DOCK3: variants seen among roughly 807,000 people sequenced by gnomAD.
DOCK3 encodes the protein dedicator of cytokinesis protein 3.
DOCK3 carries 60 observed loss-of-function variants against 265.6 expected under a neutral mutation model. The ratio of observed to expected loss-of-function variants is 0.23; its 90% CI spans 0.18 to 0.28. DOCK3 has a LOEUF of 0.28. DOCK3 is among the 10% of genes least tolerant of loss of function. The probability of loss-of-function intolerance (pLI) is 1.00; values close to 1 mark genes in which losing one functional copy is unlikely to be tolerated. For missense variants in DOCK3, 1,981 were observed against 2,594.3 expected (o/e 0.76, Z 5.14); for synonymous variants, 881 against 938.0 (o/e 0.94, Z 1.11).
intron 5 of DOCK3, among the ~76,000 whole-genome samples, chr3:51,009,154 C>G (rs1204598877): frequency 1.3e-5 from 2 of 152,156 alleles, no homozygotes; most frequent in South Asian, 2.1e-4. Flanking sequence ...GGATGATTCC[C>G]TCTTTTTCTA....
Position 50,890,627 on chromosome 3 carries a change from G to A in DOCK3, c.218+546G>A, listed in dbSNP as rs1379266094. 2.0e-5 allele frequency among the ~76,000 whole-genome samples: 3 copies of A among 151,924 alleles called. No homozygotes were observed. In the South Asian group the frequency reaches 6.2e-4, roughly 32 times the overall value. On this transcript the variant is annotated intron_variant, in intron 4 of 52. Transcript: ENST00000266037. ...TGAATGAGTTTTTAAAAAATTCTTT[G>A]TCATGTTTAATAATAAGTATTATAG...
chr3:51,147,516 A>G (rs1349774221), intron 10 of DOCK3, among the ~76,000 whole-genome samples: 2 of 151,966 alleles, frequency 1.3e-5, no homozygotes, highest in Admixed American at 1.3e-4. Flanking sequence ...ACAGGCCCCC[A>G]TGTGTGATGT....
At chr3:50,978,243 T>C (rs1489179948) in intron 5 of DOCK3, among the ~76,000 whole-genome samples, 2 of 149,968 alleles carry the variant, frequency 1.3e-5, no homozygotes, top group South Asian at 2.1e-4. Context: ...TTTCCAGTTT[T>C]TCTGTTCTGT....
intron 3 of DOCK3, among the ~76,000 whole-genome samples, chr3:50,849,799 G>C (rs1012927204): frequency 6.6e-6 from 1 of 152,098 alleles, no homozygotes; most frequent in Non-Finnish European, 1.5e-5. Context: ...AAGCATACTT[G>C]TCAGCTAGGC....
chr3:50,893,980 A>T (rs1164284600), intron 4 of DOCK3, among the ~76,000 whole-genome samples: 4 of 78,418 alleles, frequency 5.1e-5, no homozygotes, highest in Non-Finnish European at 9.2e-5. Flanking sequence ...TCGTTAGGTG[A>T]GGGGAGGGGG....
chr3:50,711,693 T>C (rs1201852202), intron 1 of DOCK3, among the ~76,000 whole-genome samples: 2 of 152,216 alleles, frequency 1.3e-5, no homozygotes, highest in African/African-American at 4.8e-5. Context: ...TGGCCCCATA[T>C]AATTAGTTGG....
At chr3:50,890,726 A>G (rs988005266) in intron 4 of DOCK3, among the ~76,000 whole-genome samples, 1 of 152,124 alleles carries the variant, frequency 6.6e-6, no homozygotes, top group Non-Finnish European at 1.5e-5. Flanking sequence ...TAACCAAGGT[A>G]GCTTCCTAAA....
chr3:51,328,857 A>C (rs2084327886), intron 32 of DOCK3, among the ~76,000 whole-genome samples: 1 of 152,054 alleles, frequency 6.6e-6, no homozygotes, highest in Non-Finnish European at 1.5e-5. Context: ...CCACAGTTTA[A>C]AGGTTAACAA....
chr3:51,209,919 A>G (rs1324919772), intron 13 of DOCK3, among the ~76,000 whole-genome samples: 1 of 152,232 alleles, frequency 6.6e-6, no homozygotes, highest in Admixed American at 6.5e-5. Flanking sequence ...TCCCTTATAC[A>G]TGTGCCTGGA....
intron 21 of DOCK3, among the ~76,000 whole-genome samples, chr3:51,239,828 A>G (rs1180859870): frequency 6.6e-6 from 1 of 151,862 alleles, no homozygotes; most frequent in Non-Finnish European, 1.5e-5. Flanking sequence ...GATTGTATTT[A>G]TTAGAATATT....
chr3:51,373,222 A>G (rs998406245), intron 49 of DOCK3, among the ~76,000 whole-genome samples: 6 of 152,228 alleles, frequency 3.9e-5, no homozygotes, highest in African/African-American at 1.4e-4. Flanking sequence ...CTGGCACTGC[A>G]CACTCAAAGG....
intron 12 of DOCK3, among the ~76,000 whole-genome samples, chr3:51,182,680 A>G (rs1160111737): frequency 1.3e-5 from 2 of 151,980 alleles, no homozygotes; most frequent in African/African-American, 4.8e-5. Context: ...AGAAGTGGAG[A>G]CTCCTCCAAA....
At chr3:50,849,371 C>T (rs146245122) in intron 3 of DOCK3, among the ~76,000 whole-genome samples, 1,725 of 151,596 alleles carry the variant, frequency 0.011, 14 homozygotes, top group Non-Finnish European at 0.017. Flanking sequence ...CACATACACA[C>T]GCACACATAC....
intron 49 of DOCK3, among the ~76,000 whole-genome samples, chr3:51,368,750 T>C (rs902576493): frequency 1.3e-5 from 2 of 152,218 alleles, no homozygotes; most frequent in Non-Finnish European, 2.9e-5. Context: ...ACGGACAGAC[T>C]GCCTCCTCAA....
chr3:50,693,405 T>C (rs1033753687), intron 1 of DOCK3, among the ~76,000 whole-genome samples: 2 of 152,164 alleles, frequency 1.3e-5, no homozygotes, highest in Admixed American at 1.3e-4. Context: ...TGGCAGTGTT[T>C]TGTAATTTTC....
chr3:51,319,873 C>A (rs948500669), intron 32 of DOCK3, among the ~76,000 whole-genome samples: 7 of 143,456 alleles, frequency 4.9e-5, no homozygotes, highest in Non-Finnish European at 1.1e-4. Context: ...CAAAAAAAAA[C>A]AAACAACAAC....
intron 33 of DOCK3, among the ~76,000 whole-genome samples, chr3:51,330,531 G>A (rs564802542): frequency 2.6e-5 from 4 of 152,340 alleles, no homozygotes; most frequent in East Asian, 3.9e-4. Flanking sequence ...ACGGTTCATG[G>A]AGACTCAGTT....
Position 51,260,266 on chromosome 3 carries a change from G to A in DOCK3, c.2295G>A (p.Gln765=). The A allele has an allele frequency of 7.4e-6, 12 of 1,613,908 alleles. No individual in the cohort carries two copies. Among genetic ancestry groups the A allele is most frequent in the Non-Finnish European group, 1.0e-5 (12 of 1,179,878 alleles). The change falls in exon 23 of 53, where the codon CAG becomes CAA. Residue 765 remains glutamine, a synonymous_variant. Coordinates refer to ENST00000266037, the MANE Select transcript of DOCK3 (RefSeq NM_004947.5). ...GATCCAGTATCCAAGAACTTTTCCA[G>A]TCCATCCGGTTTGTGCTCAGTCTGG... ...QFRSSIQELF[Q]SIRFVLSLDS...
chr3:51,265,130 C>T (rs996333753), intron 23 of DOCK3, among the ~76,000 whole-genome samples: 10 of 152,094 alleles, frequency 6.6e-5, no homozygotes, highest in South Asian at 2.1e-4. Context: ...TGGACACATG[C>T]GCCATCCCAA....
Sources: gnomAD v4.1 joint callset for allele counts (sites outside exome capture counted in the v4.1 genomes callset) on GRCh38, gnomAD v4.1.1 for gene constraint, MANE v1.5 for transcripts, NCBI Gene and HGNC (gene_info 2026-07-23, HGNC 2026-07-21) for gene names.